RHCE: variants seen among roughly 807,000 people sequenced by gnomAD.
RHCE encodes blood group Rh(CE) polypeptide.
Under a neutral mutation model 43.8 loss-of-function variants are expected in RHCE, and 22 were observed. The ratio of observed to expected loss-of-function variants is 0.50; its 90% confidence interval spans 0.36 to 0.72. The LOEUF (loss-of-function observed/expected upper bound fraction) is 0.72, where lower values mean the gene tolerates loss of function less well. RHCE is among the 30% of genes least tolerant of loss of function. The pLI, the probability that RHCE is intolerant of heterozygous loss-of-function variation, is 0.00. For missense variants in RHCE, 385 were observed against 525.4 expected (o/e 0.73, Z 2.61); for synonymous variants, 156 against 210.7 (o/e 0.74, Z 2.25).
At chr1:25,403,030 T>A (rs377129452) in intron 2 of RHCE, among the ~76,000 whole-genome samples, 1 of 151,398 alleles carries the variant, frequency 6.6e-6, no homozygotes, top group South Asian at 2.1e-4. Flanking sequence ...CACACACTCA[T>A]CTGACTGAGG....
chr1:25,372,410 T>G (rs1213024723), intron 8 of RHCE, among the ~76,000 whole-genome samples: 1 of 151,174 alleles, frequency 6.6e-6, no homozygotes, highest in African/African-American at 2.5e-5. Context: ...TCCCAGCTAC[T>G]CAGGAGGCTG....
chr1:25,378,223 T>C (rs1275902817), intron 7 of RHCE, among the ~76,000 whole-genome samples: 4 of 152,190 alleles, frequency 2.6e-5, no homozygotes, highest in Non-Finnish European at 4.4e-5. Context: ...GTGATTAGAT[T>C]GGCGCAAACT....
At chr1:25,401,846 C>G (rs1374436781) in intron 3 of RHCE, among the ~76,000 whole-genome samples, 1 of 149,364 alleles carries the variant, frequency 6.7e-6, no homozygotes, top group African/African-American at 2.6e-5. Context: ...ATTTGGGTAT[C>G]TATCTATCTA....
chr1:25,430,049 G>C (rs1373446192), exon 1 of RHCE: 1 of 151,880 alleles, frequency 6.6e-6, no homozygotes, highest in Non-Finnish European at 1.5e-5. Flanking sequence ...GCAGGCTCCC[G>C]GTCCGGCCCG....
chr1:25,385,520 T>C (rs1400099500), intron 7 of RHCE, 191 bp downstream of exon 7: 2 of 833,870 alleles, frequency 2.4e-6, no homozygotes, highest in African/African-American at 3.3e-5. Flanking sequence ...AGAGGTGGCC[T>C]GGAGAGGTGA....
chr1:25,362,495 G>C lies in RHCE; in HGVS notation c.*32C>G. ...AGTGAGAGGAAGTTGTCTTGTTTTT[G>C]AACAGGCCTTGTTTTTCTTGGATGC... On this transcript the variant is annotated 3_prime_UTR_variant, in exon 10 of 10. Coordinates refer to ENST00000294413, the MANE Select transcript of RHCE (RefSeq NM_020485.8). 1 of 1,587,730 alleles carries C rather than the reference G, an allele frequency of 6.3e-7. No homozygotes were observed.
In RHCE at chr1:25,369,312, C is replaced by A. The variant is rs866553243; in HGVS notation, c.1227+1155G>T. ...GGACTCAGAAGGCCTGGGTTCCGGTCTTGGATCTGCCACTCACAAAGGCAC... is the reference window on the plus strand; with the variant it reads ...GGACTCAGAAGGCCTGGGTTCCGGTATTGGATCTGCCACTCACAAAGGCAC... On this transcript the variant is annotated intron_variant, in intron 9 of 9. Transcript: ENST00000294413. Among the ~76,000 whole-genome samples, 2 of 151,642 alleles carry A rather than the reference C, an allele frequency of 1.3e-5. 1 individual carries two copies. The highest frequency in any genetic ancestry group is 2.9e-5 in the Non-Finnish European group (2 of 68,020).
chr1:25,399,981 T>C (rs1646680381), intron 3 of RHCE, among the ~76,000 whole-genome samples: 1 of 152,210 alleles, frequency 6.6e-6, no homozygotes, highest in Non-Finnish European at 1.5e-5. Context: ...AATAAATTTT[T>C]AAATAAAATG....
At chr1:25,426,965 G>C (rs1369177192) in intron 2 of RHCE, among the ~76,000 whole-genome samples, 1 of 152,014 alleles carries the variant, frequency 6.6e-6, no homozygotes, top group Admixed American at 6.6e-5. Context: ...GCTGAGGCAG[G>C]AGAATCACTT....
intron 1 of RHCE, among the ~76,000 whole-genome samples, chr1:25,418,875 G>A (rs995609054): frequency 5.3e-5 from 8 of 152,284 alleles, no homozygotes; most frequent in East Asian, 1.9e-4. Context: ...TTGTACCTAC[G>A]TTAGTAGCAC....
intron 1 of RHCE, among the ~76,000 whole-genome samples, chr1:25,417,725 A>G (rs1246210283): frequency 1.3e-5 from 2 of 152,230 alleles, no homozygotes; most frequent in Non-Finnish European, 2.9e-5. Flanking sequence ...AACATACAAA[A>G]TATATTAATG....
upstream of RHCE, among the ~76,000 whole-genome samples, chr1:25,423,528 C>T (rs1383106763): frequency 1.3e-5 from 2 of 152,208 alleles, no homozygotes; most frequent in Non-Finnish European, 2.9e-5. Flanking sequence ...GACTGCTTGA[C>T]AAGAGGATCC....
intron 1 of RHCE, among the ~76,000 whole-genome samples, chr1:25,418,571 G>T (rs551229997): frequency 6.6e-6 from 1 of 152,324 alleles, no homozygotes; most frequent in South Asian, 2.1e-4. Context: ...CCAAAGTGCT[G>T]GGATTACAGG....
Position 25,362,475 on chromosome 1 carries a change from G to A in RHCE, c.*52C>T, listed in dbSNP as rs1645429618. ...CACGTACAAATGCAGGCAACAGTGA[G>A]AGGAAGTTGTCTTGTTTTTGAACAG... On this transcript the variant is annotated 3_prime_UTR_variant, in exon 10 of 10. Coordinates refer to ENST00000294413, the MANE Select transcript of RHCE (RefSeq NM_020485.8). 6.2e-7 allele frequency: 1 copy of A among 1,603,250 alleles called. No homozygotes were observed. The highest frequency in any genetic ancestry group is 8.5e-7 in the Non-Finnish European group (1 of 1,173,934).
intron 6 of RHCE, among the ~76,000 whole-genome samples, chr1:25,386,321 C>T (rs1232443335): frequency 6.6e-6 from 1 of 152,222 alleles, no homozygotes; most frequent in African/African-American, 2.4e-5. Context: ...GACCAAGACC[C>T]ACTGGTCTAG....
chr1:25,386,257 C>T (rs1180458027), intron 6 of RHCE, among the ~76,000 whole-genome samples: 3 of 152,196 alleles, frequency 2.0e-5, no homozygotes, highest in African/African-American at 7.2e-5. Context: ...AGCCCTCACC[C>T]CACTGTGTCA....
chr1:25,374,548 A>G (rs1401583149), intron 8 of RHCE, among the ~76,000 whole-genome samples: 1 of 147,328 alleles, frequency 6.8e-6, no homozygotes, highest in Admixed American at 6.8e-5. Flanking sequence ...CCTCACTACC[A>G]TTCTGCCCTC....
chr1:25,422,119 C>T (rs1005956141), upstream of RHCE, among the ~76,000 whole-genome samples: 2 of 152,196 alleles, frequency 1.3e-5, no homozygotes, highest in African/African-American at 4.8e-5. Flanking sequence ...AGAGGTCATA[C>T]CTAAGGTCAT....
At position 25,379,504 on chromosome 1, in the gene RHCE, T is replaced by A. The variant is rs1284256820; in HGVS notation, c.1074-4076A>T. Among the ~76,000 whole-genome samples, 129 of 39,208 alleles carry A rather than the reference T, an allele frequency of 3.3e-3. 1 individual carries two copies. Among genetic ancestry groups the A allele is most frequent in the African/African-American group, 9.6e-3 (36 of 3,736 alleles). The allele number at this position is 39,208 out of a possible 152,430, so 25.7% of individuals were successfully genotyped here. ...ATATATATATATATATATTTTTTTT[T>A]TTTTTTTTTTTTTTTTTAAAGATGG... On this transcript the variant is annotated intron_variant, in intron 7 of 9. Coordinates refer to ENST00000294413, the MANE Select transcript of RHCE (RefSeq NM_020485.8).
Sources: gnomAD v4.1 joint callset for allele counts (sites outside exome capture counted in the v4.1 genomes callset) on GRCh38, gnomAD v4.1.1 for gene constraint, MANE v1.5 for transcripts, NCBI Gene and HGNC (gene_info 2026-07-23, HGNC 2026-07-21) for gene names.